Variants in GALNT13 observed in about 807,000 individuals in gnomAD.
GALNT13 encodes the protein UDP-GalNAc:polypeptide N-acetylgalactosaminyltransferase 13.
In GALNT13, 28 loss-of-function variants were observed where a neutral mutation model predicts 64.2. That is an observed-to-expected ratio of 0.44 (90% CI 0.32 to 0.60). The LOEUF is 0.60. Ranked by LOEUF, GALNT13 falls within the 20% of genes least tolerant of loss-of-function variation. GALNT13 has a pLI of 0.05. For missense variants in GALNT13, 577 were observed against 669.8 expected (o/e 0.86, Z 1.53); for synonymous variants, 214 against 224.6 (o/e 0.95, Z 0.42).
chr2:153,369,653 C>G, the GALNT13 span, among the ~76,000 whole-genome samples: 1 of 152,138 alleles, frequency 6.6e-6, no homozygotes, highest in Admixed American at 6.6e-5. Context: ...AATCATGAGA[C>G]TCCACTTCTG....
At chr2:153,551,069 C>T in the GALNT13 span, among the ~76,000 whole-genome samples, 70 of 152,216 alleles carry the variant, frequency 4.6e-4, no homozygotes, top group African/African-American at 1.6e-3. Flanking sequence ...AAATCATTGA[C>T]CAACACAGTG....
the GALNT13 span, among the ~76,000 whole-genome samples, chr2:153,742,992 G>A: frequency 8.7e-6 from 1 of 114,708 alleles, no homozygotes; most frequent in African/African-American, 3.3e-5. Context: ...GAAGTGGGGG[G>A]GGAGAGAGGG....
At chr2:153,342,873 G>A in the GALNT13 span, among the ~76,000 whole-genome samples, 1 of 152,102 alleles carries the variant, frequency 6.6e-6, no homozygotes, top group Non-Finnish European at 1.5e-5. Context: ...ACACATAGAA[G>A]ACTGTAAATA....
At chr2:153,705,243 T>A in the GALNT13 span, among the ~76,000 whole-genome samples, 1 of 152,180 alleles carries the variant, frequency 6.6e-6, no homozygotes, top group African/African-American at 2.4e-5. Flanking sequence ...CTTGAGTAAG[T>A]CGCTTTCCTC....
chr2:153,755,924 G>A, the GALNT13 span, among the ~76,000 whole-genome samples: 1 of 152,080 alleles, frequency 6.6e-6, no homozygotes. Flanking sequence ...CCTGATTAAT[G>A]TTTATGCCAT....
chr2:153,960,329 C>T (rs1251350460), intron 3 of GALNT13, among the ~76,000 whole-genome samples: 1 of 152,170 alleles, frequency 6.6e-6, no homozygotes, highest in Non-Finnish European at 1.5e-5. Flanking sequence ...GGCAGGAGAG[C>T]CCCAGAGTTG....
At chr2:153,605,048 C>T in the GALNT13 span, among the ~76,000 whole-genome samples, 1 of 152,016 alleles carries the variant, frequency 6.6e-6, no homozygotes, top group African/African-American at 2.4e-5. Flanking sequence ...ATCTGTCTAT[C>T]CAGTTCGATT....
At position 154,145,119 on chromosome 2, in the gene GALNT13, T is replaced by TATACACAC. The variant is rs1444821982; in HGVS notation, c.311+4615_311+4616insTACACACA. On this transcript the variant is annotated intron_variant, in intron 4 of 12. Transcript: ENST00000392825. ...ATCTATCTATATATATATATATATA[T>TATACACAC]ACACACACTAAAAATTTACATATAA... Among the ~76,000 whole-genome samples the TATACACAC allele has an allele frequency of 2.0e-3, 278 of 137,188 alleles. 3 individuals carry two copies. The South Asian group carries it at 0.029, about 14-fold the overall frequency. 90.0% of individuals were successfully genotyped at this position (137,188 alleles called of 152,430 possible).
At chr2:153,687,108 G>C in the GALNT13 span, among the ~76,000 whole-genome samples, 4 of 151,520 alleles carry the variant, frequency 2.6e-5, no homozygotes, top group Non-Finnish European at 5.9e-5. Context: ...TTTTATTTTT[G>C]TGTGTGTGTG....
chr2:154,279,523 C>T (rs1240497206), intron 8 of GALNT13, among the ~76,000 whole-genome samples: 2 of 152,130 alleles, frequency 1.3e-5, no homozygotes, highest in African/African-American at 4.8e-5. Context: ...GGATTAATCA[C>T]AGCTTCTTCA....
the GALNT13 span, among the ~76,000 whole-genome samples, chr2:153,758,343 T>C: frequency 6.6e-6 from 1 of 151,904 alleles, no homozygotes; most frequent in African/African-American, 2.4e-5. Flanking sequence ...CATTGGTTGA[T>C]GGATGTGTCT....
chr2:153,999,154 A>G (rs529600184), intron 3 of GALNT13, among the ~76,000 whole-genome samples: 2 of 152,286 alleles, frequency 1.3e-5, no homozygotes, highest in African/African-American at 4.8e-5. Flanking sequence ...AAACTATACT[A>G]CAAGTTTACA....
chr2:153,809,103 A>C, the GALNT13 span, among the ~76,000 whole-genome samples: 4 of 152,110 alleles, frequency 2.6e-5, no homozygotes. Context: ...TCTCTCTCTC[A>C]ATCACCTTAA....
the GALNT13 span, among the ~76,000 whole-genome samples, chr2:153,224,186 C>T: frequency 6.6e-6 from 1 of 152,024 alleles, no homozygotes; most frequent in Non-Finnish European, 1.5e-5. Context: ...AACTGGAGGC[C>T]ATTATCATAG....
At chr2:153,360,661 C>T in the GALNT13 span, among the ~76,000 whole-genome samples, 1 of 152,112 alleles carries the variant, frequency 6.6e-6, no homozygotes, top group Non-Finnish European at 1.5e-5. Context: ...CCAGGTGGGG[C>T]CTCCCTGTAG....
At chr2:153,239,893 G>A in the GALNT13 span, among the ~76,000 whole-genome samples, 1 of 152,044 alleles carries the variant, frequency 6.6e-6, no homozygotes, top group Non-Finnish European at 1.5e-5. Flanking sequence ...AGTAGTTTTG[G>A]TATTAGTTCT....
At chr2:153,436,092 G>T in the GALNT13 span, among the ~76,000 whole-genome samples, 6 of 152,090 alleles carry the variant, frequency 3.9e-5, no homozygotes, top group African/African-American at 7.2e-5. Context: ...TAATCATGTG[G>T]TTTTTGTGTT....
the GALNT13 span, among the ~76,000 whole-genome samples, chr2:153,785,836 C>A: frequency 6.6e-6 from 1 of 152,130 alleles, no homozygotes; most frequent in Non-Finnish European, 1.5e-5. Context: ...TAGCCCTAGT[C>A]CTTGCTGTCT....
chr2:153,277,576 G>T, the GALNT13 span, among the ~76,000 whole-genome samples: 1 of 152,040 alleles, frequency 6.6e-6, no homozygotes, highest in African/African-American at 2.4e-5. Flanking sequence ...CCCAGTAATG[G>T]GGTGCTGGGT....
Sources: allele counts gnomAD v4.1 joint callset (sites outside exome capture counted in the v4.1 genomes callset), GRCh38; gene constraint gnomAD v4.1.1; transcripts MANE v1.5; gene names NCBI Gene and HGNC (gene_info 2026-07-23, HGNC 2026-07-21).